The following RHOBTB1 variants were observed in gnomAD, a reference collection of about 807,000 sequenced individuals.
The protein encoded by RHOBTB1 is Rho related BTB domain containing 1, also known as rho-related BTB domain-containing protein 1.
In RHOBTB1, 40 loss-of-function variants were observed where a neutral mutation model predicts 71.6. The ratio of observed to expected loss-of-function variants is 0.56; its 90% CI spans 0.43 to 0.73. The LOEUF (loss-of-function observed/expected upper bound fraction) is 0.73, where lower values mean the gene tolerates loss of function less well. Among genes scored for constraint, RHOBTB1 ranks in the 30% least tolerant of loss-of-function variants. The pLI, the probability that RHOBTB1 is intolerant of heterozygous loss-of-function variation, is 0.00. For missense variants in RHOBTB1, 797 were observed against 894.0 expected, an observed-to-expected ratio of 0.89 and a Z score of 1.38; for synonymous variants, 319 against 334.9, an observed-to-expected ratio of 0.95 and a Z score of 0.52.
the RHOBTB1 span, among the ~76,000 whole-genome samples, chr10:60,862,172 CTTTCTTTTCTTTTT>C: frequency 3.1e-4 from 46 of 149,070 alleles, no homozygotes; most frequent in African/African-American, 1.1e-3. Flanking sequence ...CTCTCTCTTT[CTTTCTTTTCTTTTT>C]TTTCTTTTCT....
chr10:60,931,518 T>TATGGAGTAGCC (rs1324202511), intron 2 of RHOBTB1, among the ~76,000 whole-genome samples: 1 of 152,200 alleles, frequency 6.6e-6, no homozygotes, highest in East Asian at 1.9e-4. Flanking sequence ...ACTACTCCAT[T>TATGGAGTAGCC]ACTTTTTATG....
At chr10:60,885,909 C>T (rs2081545514) in intron 7 of RHOBTB1, among the ~76,000 whole-genome samples, 1 of 152,152 alleles carries the variant, frequency 6.6e-6, no homozygotes, top group African/African-American at 2.4e-5. Context: ...CTCCTCAAAA[C>T]TGCAGATCTA....
chr10:60,909,940 G>A (rs76759711), intron 4 of RHOBTB1, among the ~76,000 whole-genome samples: 2 of 152,112 alleles, frequency 1.3e-5, no homozygotes, highest in Non-Finnish European at 2.9e-5. Context: ...GACAATAAAA[G>A]TCCGTTCAAA....
At chr10:60,988,658 G>A (rs1285066831) in intron 1 of RHOBTB1, among the ~76,000 whole-genome samples, 2 of 152,150 alleles carry the variant, frequency 1.3e-5, no homozygotes, top group African/African-American at 2.4e-5. Flanking sequence ...TGGCTACAAA[G>A]TATTCCATGG....
At chr10:60,878,340 T>C (rs976097251) in intron 7 of RHOBTB1, among the ~76,000 whole-genome samples, 2 of 152,200 alleles carry the variant, frequency 1.3e-5, no homozygotes, top group African/African-American at 4.8e-5. Flanking sequence ...AAATGTATGA[T>C]GACATTAGGG....
chr10:60,929,597 T>A (rs2084108084), intron 2 of RHOBTB1, among the ~76,000 whole-genome samples: 1 of 152,210 alleles, frequency 6.6e-6, no homozygotes, highest in African/African-American at 2.4e-5. Context: ...CCTACATAGT[T>A]ATTTTGAATT....
rs569449905 is a variant in RHOBTB1 at position 60,902,079 on chromosome 10, A to G, written c.296+8808T>C. Among the ~76,000 whole-genome samples, 4 of 152,350 alleles carry G rather than the reference A, an allele frequency of 2.6e-5. No homozygotes were observed. In the East Asian group the frequency reaches 7.7e-4, roughly 29 times the overall value. On this transcript the variant is annotated intron_variant, in intron 4 of 10. Transcript: ENST00000337910. ...TTCATCCTGGGGACAAGGCTGGGTCAGGCATAGGAATCCCAGCTCTTCTGT... is the reference window on the plus strand; with the variant it reads ...TTCATCCTGGGGACAAGGCTGGGTCGGGCATAGGAATCCCAGCTCTTCTGT...
rs575257169 is a variant in RHOBTB1 at position 60,938,849 on chromosome 10, A to G, written c.-11+2955T>C. 3.9e-5 allele frequency among the ~76,000 whole-genome samples: 6 copies of G among 152,172 alleles called. No homozygotes were observed. The South Asian group carries it at 1.2e-3, about 32-fold the overall frequency. The stretch of plus-strand genomic sequence containing the variant: ...CTGAGTTCCATTTCTTGCCTCTGTA[A>G]AATTGGAATTGATAATGAATATTAG... On this transcript the variant is annotated intron_variant, in intron 2 of 10. Transcript: ENST00000337910.
chr10:60,953,247 G>A (rs1748811832), intron 2 of RHOBTB1, among the ~76,000 whole-genome samples: 1 of 152,146 alleles, frequency 6.6e-6, no homozygotes, highest in Non-Finnish European at 1.5e-5. Flanking sequence ...ATTTCTCAAT[G>A]TTTAAGTATC....
chr10:60,921,837 C>G (rs971702748), intron 2 of RHOBTB1, among the ~76,000 whole-genome samples: 10 of 152,126 alleles, frequency 6.6e-5, no homozygotes, highest in African/African-American at 2.4e-4. Context: ...ATCTGTGTGG[C>G]CCATCACAAG....
intron 2 of RHOBTB1, among the ~76,000 whole-genome samples, chr10:60,963,164 G>A (rs949083277): frequency 6.6e-6 from 1 of 152,126 alleles, no homozygotes; most frequent in African/African-American, 2.4e-5. Flanking sequence ...TGGCAGGAAT[G>A]TTCTCAAAGC....
intron 2 of RHOBTB1, among the ~76,000 whole-genome samples, chr10:60,973,795 G>A (rs2086235773): frequency 1.3e-5 from 2 of 152,006 alleles, no homozygotes; most frequent in South Asian, 4.1e-4. Flanking sequence ...GGGCTGACTT[G>A]AGTTATATGT....
intron 10 of RHOBTB1, 112 bp from the exon 11 acceptor site, chr10:60,871,763 GA>G (rs2132158470): frequency 9.8e-7 from 1 of 1,016,908 alleles, no homozygotes; most frequent in Admixed American, 2.6e-5. Context: ...TGATGCGGCA[GA>G]GACTGTGATT....
At chr10:60,979,217 T>G (rs765183985) in intron 2 of RHOBTB1, among the ~76,000 whole-genome samples, 1 of 152,214 alleles carries the variant, frequency 6.6e-6, no homozygotes, top group South Asian at 2.1e-4. Context: ...TTCATCTGTA[T>G]CTACCTTTTT....
At chr10:60,977,387 C>A (rs1243734488) in intron 2 of RHOBTB1, among the ~76,000 whole-genome samples, 1 of 151,758 alleles carries the variant, frequency 6.6e-6, no homozygotes, top group Non-Finnish European at 1.5e-5. Flanking sequence ...TGCTTATGCT[C>A]CTCCATACAA....
At chr10:60,958,435 A>G (rs1188408217) in intron 2 of RHOBTB1, among the ~76,000 whole-genome samples, 4 of 152,106 alleles carry the variant, frequency 2.6e-5, no homozygotes, top group African/African-American at 7.2e-5. Flanking sequence ...TTACTTTTTT[A>G]TTTGAAGAGT....
chr10:60,997,558 CA>C (rs2135039821), intron 1 of RHOBTB1, among the ~76,000 whole-genome samples: 1 of 152,310 alleles, frequency 6.6e-6, no homozygotes, highest in South Asian at 2.1e-4. Context: ...TTTTGAGGTT[CA>C]AACTAGCAAT....
chr10:60,949,664 C>CT (rs147906688), intron 2 of RHOBTB1, among the ~76,000 whole-genome samples: 2,485 of 108,664 alleles, frequency 0.023, 54 homozygotes, highest in African/African-American at 0.053. Context: ...CCAGGTGAAG[C>CT]TTTTTTTTTT....
chr10:60,997,307 G>C (rs1314059727), intron 1 of RHOBTB1, among the ~76,000 whole-genome samples: 1 of 152,144 alleles, frequency 6.6e-6, no homozygotes, highest in African/African-American at 2.4e-5. Flanking sequence ...ATTTGATTGA[G>C]AAATCACCAA....
Sources: gnomAD v4.1 joint callset for allele counts (sites outside exome capture counted in the v4.1 genomes callset) on GRCh38, gnomAD v4.1.1 for gene constraint, MANE v1.5 for transcripts, NCBI Gene and HGNC (gene_info 2026-07-23, HGNC 2026-07-21) for gene names.